The following MED22 variants were observed in gnomAD, a reference collection of about 807,000 sequenced individuals.
MED22 encodes mediator complex subunit 22.
A neutral mutation model predicts 22.7 loss-of-function variants in MED22; 22 were observed. The ratio of observed to expected loss-of-function variants is 0.97; its 90% CI spans 0.69 to 1.38. MED22 has a LOEUF of 1.38. MED22 is among the 40% of genes most tolerant of loss of function. The pLI, the probability that MED22 is intolerant of heterozygous loss-of-function variation, is 0.00. For synonymous variants in MED22, 134 were observed against 119.4 expected, an observed-to-expected ratio of 1.12 and a Z score of -0.80; for missense variants, 247 against 263.0, an observed-to-expected ratio of 0.94 and a Z score of 0.42.
intron 4 of MED22, chr9:133,342,657 G>A (rs1316738553): frequency 6.1e-6 from 6 of 985,692 alleles, no homozygotes; most frequent in East Asian, 1.1e-4. Context: ...TACAGAGGAG[G>A]GCAACTGCTT....
rs2129941860 is a variant in MED22, at chr9:133,338,940, G to A, written c.*2565C>T. The A allele has an allele frequency of 4.7e-5, 29 of 614,658 alleles. No individual in the cohort carries two copies. Among genetic ancestry groups the A allele is most frequent in the Middle Eastern group, 3.4e-4 (1 of 2,914 alleles). The allele number at this position is 614,658 out of a possible 1,614,324, so 38.1% of individuals were successfully genotyped here. ...CCAAATGCAACACACAATAAAAACA[G>A]GCATAAAAGCCTTTCAGCTGGAACC... On this transcript the variant is annotated 3_prime_UTR_variant, in exon 5 of 5. Coordinates refer to ENST00000343730, the MANE Select transcript of MED22 (RefSeq NM_133640.5).
chr9:133,346,999 C>G (rs951817351), intron 1 of MED22, among the ~76,000 whole-genome samples: 3 of 152,210 alleles, frequency 2.0e-5, no homozygotes, highest in African/African-American at 7.2e-5. Flanking sequence ...GCCCTGCAAA[C>G]TCAACACCAG....
intron 2 of MED22, 155 bp downstream of exon 2, chr9:133,346,385 G>T (rs1021941411): frequency 1.6e-5 from 14 of 852,656 alleles, no homozygotes; most frequent in South Asian, 1.3e-4. Flanking sequence ...GGCTGGACGT[G>T]CCATTATTTG....
intron 3 of MED22, among the ~76,000 whole-genome samples, 198 bp from the exon 4 acceptor site, chr9:133,344,531 A>G (rs1409094380): frequency 1.3e-5 from 2 of 152,212 alleles, no homozygotes; most frequent in Non-Finnish European, 2.9e-5. Context: ...TCTGCAGGGC[A>G]GGCCCTCCCC....
rs1836093057 is a variant in MED22, at chr9:133,343,947, T to C, written c.413+178A>G. On this transcript the variant is annotated intron_variant, in intron 4 of 4. Coordinates refer to ENST00000343730, the MANE Select transcript of MED22 (RefSeq NM_133640.5). ...GGGAAAGGCCCAGGGCCCTGGCATA[T>C]GGATGTGAATTGTCTGTCGGTCAAA... The C allele has an allele frequency of 2.1e-5, 30 of 1,447,580 alleles. No homozygotes were observed. In the South Asian group the frequency reaches 3.6e-4, roughly 17 times the overall value. The allele number at this position is 1,447,580 out of a possible 1,614,324, so 89.7% of individuals were successfully genotyped here.
At chr9:133,346,468 T>C (rs1358223609) in intron 2 of MED22, 72 bp downstream of exon 2, 2 of 1,588,560 alleles carry the variant, frequency 1.3e-6, no homozygotes, top group Admixed American at 3.4e-5. Flanking sequence ...CTCGCGCTGC[T>C]CAGCCCCTGG....
At chr9:133,345,123 G>A (rs2129963688) in intron 3 of MED22, 49 bp downstream of exon 3, 55 of 1,585,536 alleles carry the variant, frequency 3.5e-5, no homozygotes, top group Non-Finnish European at 4.8e-5. Context: ...AACCTGAGGG[G>A]ACTGATGCTC....
At position 133,341,457 on chromosome 9, in the gene MED22, G is replaced by A; in HGVS notation, c.*48C>T. 6.9e-7 allele frequency: 1 copy of A among 1,448,288 alleles called. No homozygotes were observed. The highest frequency in any genetic ancestry group is 9.0e-7 in the Non-Finnish European group (1 of 1,106,384). 89.7% of individuals were successfully genotyped at this position (1,448,288 alleles called of 1,614,324 possible). A position where few individuals can be genotyped will look rare whatever the true frequency, so the allele number is the denominator to read the frequency against. On this transcript the variant is annotated 3_prime_UTR_variant, in exon 5 of 5. Coordinates refer to ENST00000343730, the MANE Select transcript of MED22 (RefSeq NM_133640.5). The stretch of plus-strand genomic sequence containing the variant: ...AAGCAAGGCTGTGAGGGCATCCAAA[G>A]GGCTGCCTCAGGTTTTGTTCCTGAG...
Position 133,346,633 on chromosome 9 carries a change from G to A in MED22, c.30C>T (p.Ser10=). The A allele has an allele frequency of 6.2e-7, 1 of 1,612,344 alleles. No homozygotes were observed. Among genetic ancestry groups the A allele is most frequent in the South Asian group, 1.1e-5 (1 of 91,062 alleles). MAQQRALPQ[S]KETLLQSYNK... ...TGTAGGACTGCAGCAGCGTCTCCTT[G>A]CTCTGGGGCAGGGCTCTCTGCTGGG... Residue 10 remains serine (S), a synonymous_variant, in exon 2 of 5, where the codon AGC becomes AGT. Coordinates refer to ENST00000343730, the MANE Select transcript of MED22 (RefSeq NM_133640.5).
chr9:133,348,083 A>AGCC lies in MED22; in HGVS notation c.-203_-201dup, dbSNP rs2129976103. 1.9e-6 allele frequency: 2 copies of AGCC among 1,030,926 alleles called. No individual in the cohort carries two copies. 63.9% of individuals were successfully genotyped at this position (1,030,926 alleles called of 1,614,324 possible). A position where few individuals can be genotyped will look rare whatever the true frequency, so the allele number is the denominator to read the frequency against. On this transcript the variant is annotated 5_prime_UTR_variant, in exon 1 of 5. Transcript: ENST00000343730. Reference sequence around the variant, plus strand: ...CGCGCCGCGGTCCGAAAACCTAGTCAGCCGCCGCAGCCTCTCGGCCCCGCC... The same window carrying AGCC: ...CGCGCCGCGGTCCGAAAACCTAGTCAGCCGCCGCCGCAGCCTCTCGGCCCCGCC...
At chr9:133,342,384 G>A (rs1215058386) in intron 4 of MED22, 2 of 985,994 alleles carry the variant, frequency 2.0e-6, no homozygotes, top group South Asian at 4.7e-5. Flanking sequence ...CCCGCGGCCT[G>A]CCTCGCCCCT....
intron 4 of MED22, 99 bp downstream of exon 4, chr9:133,344,025 AC>A (rs1836096911): frequency 6.4e-7 from 1 of 1,564,912 alleles, no homozygotes; most frequent in South Asian, 1.2e-5. Context: ...CACTGCTAAG[AC>A]CAGCAAGAAT....
At chr9:133,345,651 G>A (rs1454097247) in intron 2 of MED22, among the ~76,000 whole-genome samples, 6 of 151,804 alleles carry the variant, frequency 4.0e-5, no homozygotes, top group Non-Finnish European at 5.9e-5. Context: ...GTTTTTTTTC[G>A]CGACCATTTC....
At position 133,341,414 on chromosome 9, in the gene MED22, G is replaced by A; in HGVS notation, c.*91C>T. On this transcript the variant is annotated 3_prime_UTR_variant, in exon 5 of 5. Coordinates refer to ENST00000343730, the MANE Select transcript of MED22 (RefSeq NM_133640.5). ...CTCTGGGGTCCTGAAGTCCCCAAAT[G>A]GGAACCTAGGCTGAGAGAAGCAAGG... 5 of 1,351,110 alleles carry A rather than the reference G, an allele frequency of 3.7e-6. No homozygotes were observed. The highest frequency in any genetic ancestry group is 4.8e-6 in the Non-Finnish European group (5 of 1,040,336). 83.7% of individuals were successfully genotyped at this position (1,351,110 alleles called of 1,614,324 possible). A position where few individuals can be genotyped will look rare whatever the true frequency, so the allele number is the denominator to read the frequency against.
rs1346941386 is a variant in MED22 at position 133,341,468 on chromosome 9, G to A, written c.*37C>T. The A allele has an allele frequency of 6.8e-7, 1 of 1,460,116 alleles. No homozygotes were observed. Among genetic ancestry groups the A allele is most frequent in the Non-Finnish European group, 9.0e-7 (1 of 1,113,312 alleles). 90.4% of individuals were successfully genotyped at this position (1,460,116 alleles called of 1,614,324 possible). ...TGAGGGCATCCAAAGGGCTGCCTCAGGTTTTGTTCCTGAGAACGAAGCGTG... is the reference window on the plus strand; with the variant it reads ...TGAGGGCATCCAAAGGGCTGCCTCAAGTTTTGTTCCTGAGAACGAAGCGTG... On this transcript the variant is annotated 3_prime_UTR_variant, in exon 5 of 5. Coordinates refer to ENST00000343730, the MANE Select transcript of MED22 (RefSeq NM_133640.5).
At position 133,344,139 on chromosome 9, in the gene MED22, C is replaced by T. The variant is rs2129959654; in HGVS notation, c.399G>A (p.Glu133=). ...GCTATTTATACCTGGACGAGTAATACTCCTCCTCCAGCTCGTAGAGGTCAA... is the reference window on the plus strand; with the variant it reads ...GCTATTTATACCTGGACGAGTAATATTCCTCCTCCAGCTCGTAGAGGTCAA... The part of the protein sequence containing the change: ...ISIDLYELEE[E]YYSSSSSLCE... The change falls in exon 4 of 5, where the codon GAG becomes GAA. Residue 133 remains glutamate (E), a synonymous_variant. Transcript: ENST00000343730. 1.2e-6 allele frequency: 2 copies of T among 1,614,154 alleles called. No homozygotes were observed. The highest frequency in any genetic ancestry group is 2.2e-5 in the East Asian group (1 of 44,882).
In MED22 at chr9:133,339,786, A is replaced by T. The variant is rs1382873280; in HGVS notation, c.*1719T>A. On this transcript the variant is annotated 3_prime_UTR_variant, in exon 5 of 5. Transcript: ENST00000343730. Reference sequence around the variant, plus strand: ...GTGTAGTTTTGCTAGAGTCATGGAGACAAAACCTGTCTGACGTAGGCCCAA... The same window carrying T: ...GTGTAGTTTTGCTAGAGTCATGGAGTCAAAACCTGTCTGACGTAGGCCCAA... 1 of 177,694 alleles carries T rather than the reference A, an allele frequency of 5.6e-6. No individual in the cohort carries two copies. Among genetic ancestry groups the T allele is most frequent in the African/African-American group, 2.4e-5 (1 of 41,718 alleles). 11.0% of individuals were successfully genotyped at this position (177,694 alleles called of 1,614,324 possible).
chr9:133,341,752 G>A, intron 4 of MED22, 58 bp from the exon 5 acceptor site: 1 of 1,577,288 alleles, frequency 6.3e-7, no homozygotes, highest in East Asian at 2.4e-5. Flanking sequence ...GGAAAGCCAG[G>A]GGAGGGGAGA....
At chr9:133,343,386 G>A in intron 4 of MED22, 1 of 1,228,494 alleles carries the variant, frequency 8.1e-7, no homozygotes, top group Non-Finnish European at 1.0e-6. Context: ...CTAAGTAAAT[G>A]ATACGTAGAC....
Sources: gnomAD v4.1 joint callset for allele counts (sites outside exome capture counted in the v4.1 genomes callset) on GRCh38, gnomAD v4.1.1 for gene constraint, MANE v1.5 for transcripts, NCBI Gene and HGNC (gene_info 2026-07-23, HGNC 2026-07-21) for gene names.